The following RHOBTB1 variants were observed in gnomAD, a reference collection of about 807,000 sequenced individuals.
The protein encoded by RHOBTB1 is Rho related BTB domain containing 1, also known as rho-related BTB domain-containing protein 1.
Under a neutral mutation model 71.6 loss-of-function variants are expected in RHOBTB1, and 40 were observed. The ratio of observed to expected loss-of-function variants is 0.56; its 90% CI spans 0.43 to 0.73. The LOEUF is 0.73. Ranked by LOEUF, RHOBTB1 falls within the 30% of genes least tolerant of loss-of-function variation. RHOBTB1 has a pLI of 0.00. For synonymous variants in RHOBTB1, 319 were observed against 334.9 expected (o/e 0.95, Z 0.52); for missense variants, 797 against 894.0 (o/e 0.89, Z 1.38).
At chr10:60,905,120 A>C (rs1199785625) in intron 4 of RHOBTB1, among the ~76,000 whole-genome samples, 1 of 151,912 alleles carries the variant, frequency 6.6e-6, no homozygotes, top group Non-Finnish European at 1.5e-5. Context: ...AGAGGGTACC[A>C]AAAAAACTTC....
At chr10:60,862,680 C>G in the RHOBTB1 span, among the ~76,000 whole-genome samples, 3 of 134,466 alleles carry the variant, frequency 2.2e-5, no homozygotes, top group Non-Finnish European at 4.6e-5. Context: ...TCCTCTTTCT[C>G]TTTACTTCCT....
intron 1 of RHOBTB1, among the ~76,000 whole-genome samples, chr10:60,943,164 G>A (rs1408402959): frequency 6.6e-6 from 1 of 152,230 alleles, no homozygotes; most frequent in African/African-American, 2.4e-5. Flanking sequence ...GCAAAGCGAA[G>A]TCAAAACCCT....
intron 4 of RHOBTB1, among the ~76,000 whole-genome samples, chr10:60,907,211 C>T (rs982639511): frequency 6.6e-6 from 1 of 152,136 alleles, no homozygotes; most frequent in Admixed American, 6.6e-5. Flanking sequence ...TCTTTATTAC[C>T]AGTGTAAGAA....
rs1172751211 is a variant in RHOBTB1 at position 60,916,014 on chromosome 10, G to GA, written c.-10-4463dup. 4.6e-5 allele frequency among the ~76,000 whole-genome samples: 7 copies of GA among 151,948 alleles called. No homozygotes were observed. In the East Asian group the frequency reaches 7.7e-4, roughly 17 times the overall value. On this transcript the variant is annotated intron_variant, in intron 2 of 10. Coordinates refer to ENST00000337910, the MANE Select transcript of RHOBTB1 (RefSeq NM_014836.5). ...CTCAAATTTCAAAATTCCACTCTCA[G>GA]AAAAAAAACTCCTACCTTTACAGCC...
chr10:60,931,143 T>C (rs1354472401), intron 2 of RHOBTB1, among the ~76,000 whole-genome samples: 3 of 152,178 alleles, frequency 2.0e-5, no homozygotes, highest in African/African-American at 7.2e-5. Flanking sequence ...ATTCCAAATT[T>C]TCTACAATGC....
Position 60,889,199 on chromosome 10 carries a change from T to G in RHOBTB1, c.483-14A>C. 1.3e-6 allele frequency: 2 copies of G among 1,579,022 alleles called. No homozygotes were observed. Among genetic ancestry groups the G allele is most frequent in the Non-Finnish European group, 1.7e-6 (2 of 1,166,746 alleles). ...CTCTTTATGGGCCTGAAATAGAACA[T>G]TTTAAAAATTATAATCAGCCTTGTT... On this transcript the variant is annotated splice_polypyrimidine_tract_variant and intron_variant, in intron 5 of 10. Coordinates refer to ENST00000337910, the MANE Select transcript of RHOBTB1 (RefSeq NM_014836.5).
At chr10:60,883,406 A>G (rs929158717) in intron 7 of RHOBTB1, among the ~76,000 whole-genome samples, 3 of 152,192 alleles carry the variant, frequency 2.0e-5, no homozygotes, top group Non-Finnish European at 4.4e-5. Flanking sequence ...GGAGACGATT[A>G]CAGTCCATTC....
intron 1 of RHOBTB1, among the ~76,000 whole-genome samples, chr10:60,999,467 T>G (rs956544701): frequency 6.6e-6 from 1 of 152,228 alleles, no homozygotes; most frequent in Non-Finnish European, 1.5e-5. Flanking sequence ...CGACACACTT[T>G]GTTATTCAAA....
chr10:60,960,381 C>T (rs1043286052), intron 2 of RHOBTB1, among the ~76,000 whole-genome samples: 2 of 152,180 alleles, frequency 1.3e-5, no homozygotes, highest in Admixed American at 6.5e-5. Context: ...CAGAGTCTGA[C>T]GTCTAGTCAG....
At chr10:60,894,082 G>A (rs1454183313) in intron 4 of RHOBTB1, among the ~76,000 whole-genome samples, 5 of 152,124 alleles carry the variant, frequency 3.3e-5, no homozygotes, top group African/African-American at 7.2e-5. Context: ...GAGTCAAGTC[G>A]ATGAATCAAA....
intron 2 of RHOBTB1, among the ~76,000 whole-genome samples, chr10:60,935,004 G>C (rs1397852773): frequency 2.6e-5 from 4 of 152,156 alleles, no homozygotes; most frequent in African/African-American, 9.6e-5. Flanking sequence ...CTCACTGGGG[G>C]ATTTGTTTTG....
intron 1 of RHOBTB1, among the ~76,000 whole-genome samples, chr10:60,992,399 C>T (rs936712667): frequency 6.6e-6 from 1 of 152,044 alleles, no homozygotes; most frequent in Non-Finnish European, 1.5e-5. Flanking sequence ...AGAGTCATTA[C>T]AAGGGGAGGA....
chr10:60,978,767 G>A (rs945177591), intron 2 of RHOBTB1, among the ~76,000 whole-genome samples: 2 of 151,964 alleles, frequency 1.3e-5, no homozygotes, highest in Non-Finnish European at 2.9e-5. Context: ...TTTTAATAGA[G>A]CATTGTTATT....
intron 7 of RHOBTB1, among the ~76,000 whole-genome samples, chr10:60,882,846 C>T (rs979310683): frequency 6.6e-6 from 1 of 152,102 alleles, no homozygotes; most frequent in African/African-American, 2.4e-5. Flanking sequence ...GGACAAATAC[C>T]CTTAACCCCG....
At chr10:60,961,803 C>CTT (rs1360449570) in intron 2 of RHOBTB1, among the ~76,000 whole-genome samples, 1 of 130,734 alleles carries the variant, frequency 7.6e-6, no homozygotes, top group African/African-American at 3.2e-5. Flanking sequence ...GATTTATAAC[C>CTT]TTTTTTTGTT....
chr10:60,867,335 G>A (rs755808938), downstream of RHOBTB1, among the ~76,000 whole-genome samples: 1 of 152,202 alleles, frequency 6.6e-6, no homozygotes, highest in South Asian at 2.1e-4. Flanking sequence ...AATGAATCAA[G>A]TTCTGTCCTC....
chr10:60,892,248 G>GT (rs1427530140), intron 5 of RHOBTB1, among the ~76,000 whole-genome samples: 1 of 152,146 alleles, frequency 6.6e-6, no homozygotes, highest in Non-Finnish European at 1.5e-5. Context: ...ACTTAAAAAT[G>GT]TAACCACTAG....
At chr10:60,866,579 T>C (rs2080636044), downstream of RHOBTB1, among the ~76,000 whole-genome samples, 1 of 152,028 alleles carries the variant, frequency 6.6e-6, no homozygotes, top group Admixed American at 6.6e-5. Flanking sequence ...CATCCAATCT[T>C]CAAGAAAAGT....
At chr10:60,993,054 C>T (rs564787019) in intron 1 of RHOBTB1, among the ~76,000 whole-genome samples, 13 of 152,114 alleles carry the variant, frequency 8.5e-5, no homozygotes, top group African/African-American at 2.7e-4. Flanking sequence ...ACGAGGGCTT[C>T]GGGCATTTTA....
Sources: gnomAD v4.1 joint callset for allele counts (sites outside exome capture counted in the v4.1 genomes callset) on GRCh38, gnomAD v4.1.1 for gene constraint, MANE v1.5 for transcripts, NCBI Gene and HGNC (gene_info 2026-07-23, HGNC 2026-07-21) for gene names.